The following POLQ variants were observed in gnomAD, a reference collection of about 807,000 sequenced individuals.
The protein encoded by POLQ is epididymis secretory sperm binding protein.
In POLQ, 233 loss-of-function variants were observed where a neutral mutation model predicts 259.2. The observed-to-expected ratio is 0.90, with a 90% confidence interval of 0.81 to 1.00. POLQ has a LOEUF of 1.00. Ranked by LOEUF, POLQ falls within the 50% of genes least tolerant of loss-of-function variation. The pLI, the probability that POLQ is intolerant of heterozygous loss-of-function variation, is 0.00. For synonymous variants in POLQ, 1,025 were observed against 1,048.8 expected, an observed-to-expected ratio of 0.98 and a Z score of 0.44; for missense variants, 2,871 against 3,051.6, an observed-to-expected ratio of 0.94 and a Z score of 1.39.
In POLQ at chr3:121,489,848, A is replaced by G; in HGVS notation, c.3083T>C (p.Leu1028Ser). 2 of 1,610,440 alleles carry G rather than the reference A, an allele frequency of 1.2e-6. No individual in the cohort carries two copies. The highest frequency in any genetic ancestry group is 1.3e-5 in the African/African-American group (1 of 74,690). ...GCTCATCTTTTCTGAATTGAAATTC[A>G]AAGGTGCCTTTTTTGTTTTCTGTGA... Reference protein sequence around the residue: ...TFSQKTKKAPLNFNSEKMSRS... With the variant: ...TFSQKTKKAPSNFNSEKMSRS... The change falls in exon 16 of 30, where the codon TTG becomes TCG. Residue 1028 changes from leucine (L) to serine (S), a missense_variant. By Grantham distance (145) the Leu-to-Ser change is moderately radical. Around this residue, in one of 3 missense-constraint regions of POLQ, gnomAD observed 2,080 missense variants for 2,126.0 expected, o/e 0.98. Transcript: ENST00000264233.
chr3:121,536,549 A>T (rs1418336182), intron 5 of POLQ, among the ~76,000 whole-genome samples: 2 of 152,216 alleles, frequency 1.3e-5, no homozygotes, highest in African/African-American at 2.4e-5. Flanking sequence ...CTAGATTTTT[A>T]AAAATCTATA....
chr3:121,492,112 C>G (rs1016463230), intron 15 of POLQ, among the ~76,000 whole-genome samples: 4 of 143,066 alleles, frequency 2.8e-5, no homozygotes, highest in African/African-American at 1.0e-4. Flanking sequence ...TAGTAAAATA[C>G]TATACCCCAT....
At chr3:121,449,189 C>T in intron 26 of POLQ, 126 bp downstream of exon 26, 4 of 587,786 alleles carry the variant, frequency 6.8e-6, no homozygotes, top group Non-Finnish European at 1.2e-5. Flanking sequence ...TCTTATTTAC[C>T]CTTAACAATG....
intron 26 of POLQ, among the ~76,000 whole-genome samples, chr3:121,448,324 C>T (rs2047646858): frequency 6.6e-6 from 1 of 151,910 alleles, no homozygotes; most frequent in Non-Finnish European, 1.5e-5. Context: ...ATATCAATTG[C>T]ATTTTCCTAC....
chr3:121,469,794 G>T (rs1447418632), intron 22 of POLQ, among the ~76,000 whole-genome samples: 1 of 152,064 alleles, frequency 6.6e-6, no homozygotes, highest in African/African-American at 2.4e-5. Flanking sequence ...TCATGAAATG[G>T]CTTTGCTATG....
chr3:121,503,142 T>C (rs2048185255), intron 12 of POLQ, among the ~76,000 whole-genome samples: 3 of 152,224 alleles, frequency 2.0e-5, no homozygotes, highest in African/African-American at 4.8e-5. Context: ...ACCTTTTCTA[T>C]GTTTAGAAAT....
rs2108770674 is a variant in POLQ, at chr3:121,432,380, A to G, written c.7697T>C (p.Val2566Ala). ...QIVKNEMESA[V>A]KLSVKLKVKV... Reference sequence around the variant, plus strand: ...CACTTTCAATTTCACAGACAGTTTTACAGCACTTTCCATTTCATTCTTGAC... The same window carrying G: ...CACTTTCAATTTCACAGACAGTTTTGCAGCACTTTCCATTTCATTCTTGAC... The change falls in exon 30 of 30, where the codon GTA (valine) becomes GCA (alanine). Residue 2566 changes from valine (V) to alanine (A), a missense_variant. Val to Ala is a moderately conservative substitution (Grantham distance 64). Around this residue, in one of 3 missense-constraint regions of POLQ, gnomAD observed 2,080 missense variants for 2,126.0 expected, o/e 0.98. Coordinates refer to ENST00000264233, the MANE Select transcript of POLQ (RefSeq NM_199420.4). The G allele has an allele frequency of 2.5e-6, 4 of 1,610,506 alleles. No homozygotes were observed. Among genetic ancestry groups the G allele is most frequent in the Non-Finnish European group, 3.4e-6 (4 of 1,178,288 alleles).
chr3:121,457,213 C>T (rs2047748852), intron 25 of POLQ, among the ~76,000 whole-genome samples: 1 of 152,288 alleles, frequency 6.6e-6, no homozygotes, highest in Admixed American at 6.5e-5. Context: ...CCCTTCCTTA[C>T]ACCTTATACA....
intron 27 of POLQ, 117 bp downstream of exon 27, chr3:121,439,875 G>T: frequency 1.1e-6 from 1 of 909,518 alleles, no homozygotes; most frequent in Non-Finnish European, 1.7e-6. Context: ...TGTCTATACA[G>T]AAAATCCAAT....
intron 10 of POLQ, among the ~76,000 whole-genome samples, chr3:121,511,448 G>A (rs2048254705): frequency 6.6e-6 from 1 of 151,892 alleles, no homozygotes; most frequent in African/African-American, 2.4e-5. Context: ...TGAAATTTTG[G>A]ATAACACAGC....
intron 6 of POLQ, among the ~76,000 whole-genome samples, chr3:121,532,299 T>C (rs1171191030): frequency 6.6e-6 from 1 of 152,104 alleles, no homozygotes; most frequent in Non-Finnish European, 1.5e-5. Context: ...CACTCTACTA[T>C]ATATTATACC....
intron 25 of POLQ, among the ~76,000 whole-genome samples, chr3:121,451,988 G>A (rs1204237104): frequency 6.6e-6 from 1 of 152,162 alleles, no homozygotes. Context: ...CAGCACTGGC[G>A]GGCGCCCCTC....
intron 5 of POLQ, among the ~76,000 whole-genome samples, chr3:121,536,144 T>G (rs73857906): frequency 6.6e-6 from 1 of 152,320 alleles, no homozygotes; most frequent in East Asian, 1.9e-4. Flanking sequence ...GAAGTAATCA[T>G]ATTACACTAT....
chr3:121,503,287 T>C (rs1419246578), intron 12 of POLQ, among the ~76,000 whole-genome samples: 1 of 152,212 alleles, frequency 6.6e-6, no homozygotes, highest in Non-Finnish European at 1.5e-5. Context: ...GGCTATACCA[T>C]CTACATTTGT....
At chr3:121,448,879 C>T (rs2047651304) in intron 26 of POLQ, among the ~76,000 whole-genome samples, 2 of 152,132 alleles carry the variant, frequency 1.3e-5, no homozygotes, top group African/African-American at 2.4e-5. Context: ...AATTATACCA[C>T]AACAAACAGG....
chr3:121,495,447 T>C (rs1334676255), intron 14 of POLQ, among the ~76,000 whole-genome samples: 1 of 152,186 alleles, frequency 6.6e-6, no homozygotes, highest in African/African-American at 2.4e-5. Flanking sequence ...ACAAGTGCCA[T>C]GTCATAAAGA....
At position 121,487,465 on chromosome 3, in the gene POLQ, T is replaced by C; in HGVS notation, c.5466A>G (p.Ser1822=). Residue 1822 remains serine, a synonymous_variant, in exon 16 of 30, where the codon TCA becomes TCG. Transcript: ENST00000264233. ...GLQLTPASSS[S]ESLSIIDVAS... ...CTACATCAATTATGGACAAACTTTC[T>C]GAACTGCTTGAGGCTGGAGTTAACT... 2 of 1,614,108 alleles carry C rather than the reference T, an allele frequency of 1.2e-6. No homozygotes were observed. Among genetic ancestry groups the C allele is most frequent in the Non-Finnish European group, 1.7e-6 (2 of 1,180,006 alleles).
chr3:121,440,208 C>A, intron 26 of POLQ, 92 bp from the exon 27 acceptor site: 1 of 879,588 alleles, frequency 1.1e-6, no homozygotes. Context: ...CACCAAAACC[C>A]CACGATGATT....
chr3:121,483,613 A>G, intron 17 of POLQ, 31 bp from the exon 18 acceptor site: 1 of 1,474,140 alleles, frequency 6.8e-7, no homozygotes, highest in South Asian at 1.4e-5. Flanking sequence ...AGGAAAAAAC[A>G]TTTTTAAGGC....
Sources: gnomAD v4.1 joint callset for allele counts (sites outside exome capture counted in the v4.1 genomes callset) on GRCh38, gnomAD v4.1.1 for gene constraint, gnomAD v4.1.1 regional missense constraint, MANE v1.5 for transcripts, NCBI Gene and HGNC (gene_info 2026-07-23, HGNC 2026-07-21) for gene names.